Variants in SPTLC2 observed in about 807,000 individuals in gnomAD.
SPTLC2 encodes the protein serine palmitoyltransferase 2.
Under a neutral mutation model 62.0 loss-of-function variants are expected in SPTLC2, and 21 were observed. The ratio of observed to expected loss-of-function variants is 0.34; its 90% CI spans 0.24 to 0.49. The LOEUF (loss-of-function observed/expected upper bound fraction) is 0.49, where lower values mean the gene tolerates loss of function less well. Ranked by LOEUF, SPTLC2 falls within the 20% of genes least tolerant of loss-of-function variation. The pLI is 0.99. For synonymous variants in SPTLC2, 261 were observed against 261.8 expected (o/e 1.00, Z 0.03); for missense variants, 511 against 713.0 (o/e 0.72, Z 3.23).
rs140594834 is a variant in SPTLC2 at position 77,563,528 on chromosome 14, C to T, written c.757-1039G>A. On this transcript the variant is annotated intron_variant, in intron 5 of 11. Coordinates refer to ENST00000216484, the MANE Select transcript of SPTLC2 (RefSeq NM_004863.4). ...GCAACCTCTGCCTCCCAGATTCAAG[C>T]GATTCTCCTGCCTCAGCGTCCCAGC... Among the ~76,000 whole-genome samples, 1,217 of 152,264 alleles carry T rather than the reference C, an allele frequency of 8.0e-3. 12 individuals carry two copies. Among genetic ancestry groups the T allele is most frequent in the African/African-American group, 0.023 (967 of 41,552 alleles).
intron 4 of SPTLC2, among the ~76,000 whole-genome samples, chr14:77,572,087 C>T (rs975220136): frequency 3.3e-5 from 5 of 152,214 alleles, no homozygotes; most frequent in African/African-American, 4.8e-5. Context: ...CGCATCCAGC[C>T]GAGCACTTTA....
At chr14:77,593,344 T>C (rs555073925) in intron 2 of SPTLC2, among the ~76,000 whole-genome samples, 42 of 152,206 alleles carry the variant, frequency 2.8e-4, no homozygotes, top group Non-Finnish European at 5.3e-4. Flanking sequence ...GGTTTCATTA[T>C]GTTGTGTCAG....
chr14:77,597,365 G>T lies in SPTLC2; in HGVS notation c.148C>A (p.Gln50Lys). Reference protein sequence around the residue: ...AAAGQIHHVTQNGGLYKRPFN... With the variant: ...AAAGQIHHVTKNGGLYKRPFN... ...GGTCTTTTATATAGTCCTCCATTTT[G>T]TGTAACATGATGGATCTAAAAGAGA... The change falls in exon 2 of 12, where the codon CAA becomes AAA. Residue 50 changes from glutamine to lysine, a missense_variant. Transcript: ENST00000216484. 1 of 1,613,862 alleles carries T rather than the reference G, an allele frequency of 6.2e-7. No homozygotes were observed. Among genetic ancestry groups the T allele is most frequent in the African/African-American group, 1.3e-5 (1 of 75,024 alleles).
intron 2 of SPTLC2, among the ~76,000 whole-genome samples, chr14:77,584,370 T>C (rs1274585854): frequency 6.6e-6 from 1 of 152,224 alleles, no homozygotes; most frequent in African/African-American, 2.4e-5. Context: ...ATAAAGATGA[T>C]GAATAATCAC....
chr14:77,544,753 C>T (rs1248105094), intron 9 of SPTLC2, among the ~76,000 whole-genome samples: 1 of 152,186 alleles, frequency 6.6e-6, no homozygotes, highest in East Asian at 1.9e-4. Context: ...TGACGTTGCG[C>T]CTCCTTCTCC....
chr14:77,525,202 CTT>C (rs1487778639), intron 9 of SPTLC2, among the ~76,000 whole-genome samples: 2 of 152,084 alleles, frequency 1.3e-5, no homozygotes, highest in Non-Finnish European at 2.9e-5. Flanking sequence ...AGGAGGATCT[CTT>C]GAGTCAGGAG....
At chr14:77,521,103 G>A (rs2079382822) in intron 10 of SPTLC2, among the ~76,000 whole-genome samples, 1 of 152,144 alleles carries the variant, frequency 6.6e-6, no homozygotes, top group South Asian at 2.1e-4. Flanking sequence ...CATAGCACTT[G>A]ACACCTTCTA....
chr14:77,549,227 C>A (rs371572772), intron 9 of SPTLC2, among the ~76,000 whole-genome samples: 39 of 142,848 alleles, frequency 2.7e-4, no homozygotes, highest in African/African-American at 2.3e-4. Flanking sequence ...GACTGCATCT[C>A]AAAAAAAAAA....
chr14:77,583,848 T>C (rs1206014689), intron 2 of SPTLC2, among the ~76,000 whole-genome samples: 1 of 152,100 alleles, frequency 6.6e-6, no homozygotes, highest in African/African-American at 2.4e-5. Flanking sequence ...ACCTAACTGA[T>C]AAGGGAGTGA....
chr14:77,540,954 C>T (rs537877871), intron 9 of SPTLC2, among the ~76,000 whole-genome samples: 18 of 152,252 alleles, frequency 1.2e-4, no homozygotes, highest in Non-Finnish European at 2.1e-4. Context: ...ATATGTGTAA[C>T]ATGTAAAATC....
chr14:77,521,532 T>C lies in SPTLC2; in HGVS notation c.1353A>G (p.Arg451=). The change falls in exon 10 of 12, where the codon AGA becomes AGG. Residue 451 remains arginine (R), a synonymous_variant. Transcript: ENST00000216484. ...QLAENTRYFR[R]RLKEMGFIIY... is the part of the protein sequence containing the mutation. ...TGATGAAGCCCATCTCTTTCAGGCGTCTCCTGAAATACCTGGTGTTTTCAG... is the reference window on the plus strand; with the variant it reads ...TGATGAAGCCCATCTCTTTCAGGCGCCTCCTGAAATACCTGGTGTTTTCAG... 6.2e-7 allele frequency: 1 copy of C among 1,613,680 alleles called. No homozygotes were observed. Among genetic ancestry groups the C allele is most frequent in the Non-Finnish European group, 8.5e-7 (1 of 1,179,596 alleles).
chr14:77,593,728 A>T (rs1385062806), intron 2 of SPTLC2, among the ~76,000 whole-genome samples: 1 of 152,220 alleles, frequency 6.6e-6, no homozygotes, highest in Non-Finnish European at 1.5e-5. Flanking sequence ...ATGAGGAAGA[A>T]AACCAGGATG....
chr14:77,555,407 G>A lies in SPTLC2; in HGVS notation c.1069C>T (p.Arg357Trp), dbSNP rs748965663. The change falls in exon 8 of 12, where the codon CGG becomes TGG. Residue 357 changes from arginine (R) to tryptophan (W), a missense_variant. Coordinates refer to ENST00000216484, the MANE Select transcript of SPTLC2 (RefSeq NM_004863.4). ...AGGCCAAAGTACTCCACCACACCCCGGCCTGTGGGGCCCAGGGCGCCAATG... is the reference window on the plus strand; with the variant it reads ...AGGCCAAAGTACTCCACCACACCCCAGCCTGTGGGGCCCAGGGCGCCAATG... ...HSIGALGPTG[R>W]GVVEYFGLDP... 14 of 1,613,918 alleles carry A rather than the reference G, an allele frequency of 8.7e-6. No homozygotes were observed. Among genetic ancestry groups the A allele is most frequent in the Admixed American group, 1.7e-5 (1 of 59,982 alleles).
At chr14:77,519,960 C>G (rs2079378116) in intron 10 of SPTLC2, among the ~76,000 whole-genome samples, 1 of 151,944 alleles carries the variant, frequency 6.6e-6, no homozygotes, top group Non-Finnish European at 1.5e-5. Flanking sequence ...GCCTTTACAA[C>G]TTTTATCTCC....
At chr14:77,577,172 G>T (rs1225305285) in intron 3 of SPTLC2, among the ~76,000 whole-genome samples, 1 of 151,744 alleles carries the variant, frequency 6.6e-6, no homozygotes, top group Non-Finnish European at 1.5e-5. Context: ...CTGTACATAA[G>T]AATATCAGGT....
chr14:77,610,743 G>C (rs531425861), intron 1 of SPTLC2, among the ~76,000 whole-genome samples: 1 of 151,970 alleles, frequency 6.6e-6, no homozygotes, highest in South Asian at 2.1e-4. Flanking sequence ...TTGTGGTCAG[G>C]AGTCTGAGAC....
At chr14:77,596,085 C>T (rs376623582) in intron 2 of SPTLC2, among the ~76,000 whole-genome samples, 1 of 152,128 alleles carries the variant, frequency 6.6e-6, no homozygotes, top group Non-Finnish European at 1.5e-5. Flanking sequence ...CACCTGTAAT[C>T]CCAGCACTTT....
intron 2 of SPTLC2, among the ~76,000 whole-genome samples, chr14:77,593,898 GATCT>G (rs2079832424): frequency 6.6e-6 from 1 of 152,072 alleles, no homozygotes; most frequent in Non-Finnish European, 1.5e-5. Context: ...AAACAAACAT[GATCT>G]ATCACAGGAA....
At chr14:77,530,328 AT>A (rs917127737) in intron 9 of SPTLC2, among the ~76,000 whole-genome samples, 121 of 149,462 alleles carry the variant, frequency 8.1e-4, no homozygotes, top group Non-Finnish European at 1.4e-3. Flanking sequence ...AAAAAAAAAA[AT>A]ATTTATTTAT....
Sources: gnomAD v4.1 joint callset for allele counts (sites outside exome capture counted in the v4.1 genomes callset) on GRCh38, gnomAD v4.1.1 for gene constraint, MANE v1.5 for transcripts, NCBI Gene and HGNC (gene_info 2026-07-23, HGNC 2026-07-21) for gene names.